The following MAST4 variants were observed in gnomAD, a reference collection of about 807,000 sequenced individuals.
MAST4 encodes microtubule associated serine/threonine kinase family member 4, also known as microtubule-associated serine/threonine-protein kinase 4.
MAST4 carries 89 observed loss-of-function variants against 162.7 expected under a neutral mutation model. The ratio of observed to expected loss-of-function variants is 0.55; its 90% confidence interval spans 0.46 to 0.65. The LOEUF (loss-of-function observed/expected upper bound fraction) is 0.65, where lower values mean the gene tolerates loss of function less well. Among genes scored for constraint, MAST4 ranks in the 30% least tolerant of loss-of-function variants. MAST4 has a pLI of 0.00. For missense variants in MAST4, 3,153 were observed against 3,374.0 expected, an observed-to-expected ratio of 0.93 and a Z score of 1.62; for synonymous variants, 1,479 against 1,361.1, an observed-to-expected ratio of 1.09 and a Z score of -1.91.
At chr5:67,130,448 A>G in intron 15 of MAST4, 30 bp downstream of exon 15, 9 of 1,604,968 alleles carry the variant, frequency 5.6e-6, no homozygotes, top group Non-Finnish European at 7.7e-6. Context: ...TGACACCTGT[A>G]CCCAGGAATC....
At chr5:66,625,117 G>A (rs1744341728) in intron 1 of MAST4, among the ~76,000 whole-genome samples, 1 of 152,076 alleles carries the variant, frequency 6.6e-6, no homozygotes, top group Non-Finnish European at 1.5e-5. Context: ...CCTAACTCTG[G>A]TGGTCTCCCT....
intron 4 of MAST4, among the ~76,000 whole-genome samples, chr5:66,931,295 G>A (rs1438663374): frequency 6.6e-6 from 1 of 152,080 alleles, no homozygotes; most frequent in Non-Finnish European, 1.5e-5. Flanking sequence ...GTTTTTTAAA[G>A]GTTTATTTCT....
At chr5:67,004,201 G>T (rs1448341155) in intron 4 of MAST4, among the ~76,000 whole-genome samples, 1 of 43,876 alleles carries the variant, frequency 2.3e-5, no homozygotes, top group African/African-American at 4.4e-5. Context: ...GGCTGGGGTC[G>T]CGCCGCGGCC....
intron 3 of MAST4, among the ~76,000 whole-genome samples, chr5:66,864,463 G>T (rs1408126538): frequency 4.6e-5 from 7 of 152,160 alleles, no homozygotes; most frequent in Admixed American, 1.3e-4. Flanking sequence ...TGGACCCAGA[G>T]AGTAGAGGGA....
intron 1 of MAST4, among the ~76,000 whole-genome samples, chr5:66,741,276 TC>T (rs1211921521): frequency 6.6e-6 from 1 of 152,224 alleles, no homozygotes; most frequent in East Asian, 1.9e-4. Flanking sequence ...CCTGCTTTCT[TC>T]TTCTTCACAG....
Position 67,165,608 on chromosome 5 carries a change from G to C in MAST4, c.6429G>C (p.Leu2143=). ...CGCCCCCTCTGACGGCCAAAGACCT[G>C]TCCAGCCCGGCTGCCAGGCAGCATT... ...IPPPPLTAKD[L]SSPAARQHCS... is the part of the protein sequence containing the mutation. Residue 2143 remains leucine, a synonymous_variant, in exon 29 of 29, where the codon CTG becomes CTC. Transcript: ENST00000403625. The C allele has an allele frequency of 6.2e-7, 1 of 1,613,570 alleles. No homozygotes were observed. The highest frequency in any genetic ancestry group is 8.5e-7 in the Non-Finnish European group (1 of 1,179,770).
chr5:67,087,336 G>A (rs141313505), intron 5 of MAST4, among the ~76,000 whole-genome samples: 300 of 152,122 alleles, frequency 2.0e-3, no homozygotes, highest in Non-Finnish European at 3.1e-3. Flanking sequence ...CCTGGTCTAG[G>A]TCCCTCCTCC....
intron 3 of MAST4, among the ~76,000 whole-genome samples, chr5:66,820,369 G>A (rs1206904535): frequency 6.6e-6 from 1 of 152,104 alleles, no homozygotes; most frequent in Non-Finnish European, 1.5e-5. Flanking sequence ...AGTTTCTAAA[G>A]CTTTTCAATT....
At chr5:66,840,939 T>G (rs552476237) in intron 3 of MAST4, among the ~76,000 whole-genome samples, 1 of 152,312 alleles carries the variant, frequency 6.6e-6, no homozygotes, top group African/African-American at 2.4e-5. Flanking sequence ...GACAAGCATA[T>G]GTTGTGGTTA....
chr5:66,897,724 T>C (rs140889360), intron 3 of MAST4, among the ~76,000 whole-genome samples: 2 of 152,208 alleles, frequency 1.3e-5, no homozygotes, highest in East Asian at 3.8e-4. Flanking sequence ...CATCTTGGAA[T>C]CTCGGCTGCC....
intron 1 of MAST4, among the ~76,000 whole-genome samples, chr5:66,749,322 C>T (rs1053835541): frequency 6.6e-6 from 1 of 152,136 alleles, no homozygotes; most frequent in Non-Finnish European, 1.5e-5. Context: ...GGCTAGGTCC[C>T]TCACCACTGT....
intron 4 of MAST4, among the ~76,000 whole-genome samples, chr5:66,905,302 CAAAAAAAAAAAAAA>C (rs60337775): frequency 1.3e-5 from 1 of 78,458 alleles, no homozygotes; most frequent in Admixed American, 1.3e-4. Context: ...AACTCTGTCT[CAAAAAAAAAAAAAA>C]AAAAAAAAAA....
At chr5:67,031,843 G>A (rs1755369767) in intron 4 of MAST4, among the ~76,000 whole-genome samples, 1 of 152,086 alleles carries the variant, frequency 6.6e-6, no homozygotes, top group East Asian at 1.9e-4. Context: ...TCCCTGCTGG[G>A]TCAGTTTTTA....
intron 2 of MAST4, among the ~76,000 whole-genome samples, chr5:66,787,037 G>A (rs1755151872): frequency 6.6e-6 from 1 of 152,196 alleles, no homozygotes; most frequent in Admixed American, 6.5e-5. Context: ...TATCTGGTGT[G>A]ATGATAGGTA....
At chr5:66,706,651 C>T (rs946630942) in intron 1 of MAST4, among the ~76,000 whole-genome samples, 6 of 150,752 alleles carry the variant, frequency 4.0e-5, no homozygotes, top group Non-Finnish European at 8.8e-5. Context: ...AACCCTCAAA[C>T]TAATGATTCA....
chr5:66,620,603 C>T (rs1267515238), intron 1 of MAST4, among the ~76,000 whole-genome samples: 2 of 152,096 alleles, frequency 1.3e-5, no homozygotes, highest in Non-Finnish European at 2.9e-5. Flanking sequence ...GCTCTGTGAG[C>T]AGTAGTCTCA....
chr5:66,598,053 G>C (rs1320514708), intron 1 of MAST4, among the ~76,000 whole-genome samples: 1 of 152,220 alleles, frequency 6.6e-6, no homozygotes. Flanking sequence ...GATGGGGTTA[G>C]CTTTAGTAAA....
intron 4 of MAST4, among the ~76,000 whole-genome samples, chr5:66,951,126 C>T (rs764115065): frequency 3.3e-5 from 5 of 152,154 alleles, no homozygotes; most frequent in African/African-American, 4.8e-5. Flanking sequence ...AAAATTAGGC[C>T]TTAAGGTTCT....
At chr5:66,620,047 C>CTTTTTTTTTT (rs200969306) in intron 1 of MAST4, among the ~76,000 whole-genome samples, 1 of 133,846 alleles carries the variant, frequency 7.5e-6, no homozygotes, top group African/African-American at 2.8e-5. Flanking sequence ...ACTTAGGTTG[C>CTTTTTTTTTT]TTTTTTTTTT....
Sources: allele counts gnomAD v4.1 joint callset (sites outside exome capture counted in the v4.1 genomes callset), GRCh38; gene constraint gnomAD v4.1.1; transcripts MANE v1.5; gene names NCBI Gene and HGNC (gene_info 2026-07-23, HGNC 2026-07-21).